The following COBL variants were observed in gnomAD, a reference collection of about 807,000 sequenced individuals.
COBL encodes protein cordon-bleu.
In COBL, 51 loss-of-function variants were observed where a neutral mutation model predicts 98.8. The observed-to-expected ratio is 0.52, with a 90% confidence interval of 0.41 to 0.65. The LOEUF is 0.65. Ranked by LOEUF, COBL falls within the 30% of genes least tolerant of loss-of-function variation. The probability of loss-of-function intolerance (pLI) is 0.00; values close to 1 mark genes in which losing one functional copy is unlikely to be tolerated. For missense variants in COBL, 1,617 were observed against 1,617.5 expected (o/e 1.00, Z 0.01); for synonymous variants, 634 against 651.7 (o/e 0.97, Z 0.41).
At chr7:51,178,054 G>A (rs1788573812) in intron 5 of COBL, among the ~76,000 whole-genome samples, 1 of 152,060 alleles carries the variant, frequency 6.6e-6, no homozygotes, top group African/African-American at 2.4e-5. Flanking sequence ...GCTGGAGCAG[G>A]AGAATCACTT....
chr7:51,085,499 C>T (rs528618325), intron 6 of COBL, among the ~76,000 whole-genome samples, 195 bp from the exon 7 acceptor site: 45 of 152,252 alleles, frequency 3.0e-4, no homozygotes, highest in African/African-American at 1.0e-3. Context: ...GAGAGACCAG[C>T]GGATGTCCAA....
chr7:51,018,189 CGTG>C (rs745545647), intron 12 of COBL, among the ~76,000 whole-genome samples: 7 of 150,842 alleles, frequency 4.6e-5, no homozygotes, highest in Non-Finnish European at 7.4e-5. Context: ...TTATGGTAAT[CGTG>C]GTGGTGGTGA....
intron 1 of COBL, among the ~76,000 whole-genome samples, chr7:51,241,480 A>G (rs571000590): frequency 5.1e-4 from 77 of 152,332 alleles, no homozygotes; most frequent in African/African-American, 1.2e-3. Flanking sequence ...TGCAGATCCC[A>G]TTAAGAAACC....
At chr7:51,101,130 CAAT>C (rs1795769856) in intron 6 of COBL, among the ~76,000 whole-genome samples, 1 of 152,198 alleles carries the variant, frequency 6.6e-6, no homozygotes, top group Non-Finnish European at 1.5e-5. Context: ...ATTCAACAAA[CAAT>C]TATTGAATAC....
chr7:51,219,408 C>T (rs1354663984), intron 2 of COBL, among the ~76,000 whole-genome samples: 1 of 152,202 alleles, frequency 6.6e-6, no homozygotes, highest in African/African-American at 2.4e-5. Flanking sequence ...CTGAGGCACA[C>T]TGTGGCTGCT....
At chr7:51,130,746 G>A (rs1798662084) in intron 6 of COBL, among the ~76,000 whole-genome samples, 1 of 152,200 alleles carries the variant, frequency 6.6e-6, no homozygotes, top group Non-Finnish European at 1.5e-5. Flanking sequence ...AGTTCTTGAT[G>A]AAACGTGTCT....
In COBL at chr7:51,025,239, G is replaced by C; in HGVS notation, c.3638C>G (p.Pro1213Arg). 1 of 1,609,160 alleles carries C rather than the reference G, an allele frequency of 6.2e-7. No homozygotes were observed. Among genetic ancestry groups the C allele is most frequent in the Non-Finnish European group, 8.5e-7 (1 of 1,178,644 alleles). The change falls in exon 12 of 13, where the codon CCC becomes CGC. Residue 1213 changes from proline to arginine, a missense_variant. Physicochemically the swap from Pro to Arg is moderately radical, Grantham distance 103. This residue lies in a region of COBL where 1,304 missense variants were observed against 1,282.0 expected (regional missense o/e 1.02). Transcript: ENST00000265136. ...PPAIPPPPPP[P>R]SQALSAPRTA... Reference sequence around the variant, plus strand: ...CCTTGGTGCAGAGAGAGCCTGGGAGGGTGGAGGGGGTGGTGGGGGAATGGC... The same window carrying C: ...CCTTGGTGCAGAGAGAGCCTGGGAGCGTGGAGGGGGTGGTGGGGGAATGGC...
chr7:51,170,670 A>T (rs996630953), intron 5 of COBL, among the ~76,000 whole-genome samples: 1 of 151,892 alleles, frequency 6.6e-6, no homozygotes, highest in Non-Finnish European at 1.5e-5. Context: ...ATGTTAAGTG[A>T]AATTATCCAG....
chr7:51,016,789 T>C lies in COBL; in HGVS notation c.*762A>G. The C allele has an allele frequency of 2.5e-6, 1 of 397,078 alleles. No individual in the cohort carries two copies. The highest frequency in any genetic ancestry group is 4.4e-6 in the Non-Finnish European group (1 of 225,700). 24.6% of individuals were successfully genotyped at this position (397,078 alleles called of 1,614,324 possible). On this transcript the variant is annotated 3_prime_UTR_variant, in exon 13 of 13. Coordinates refer to ENST00000265136, the MANE Select transcript of COBL (RefSeq NM_015198.5). ...CACTTCATAGCCTGGGGAATGGCTG[T>C]CCATGTGGGGCACTGCCCATCCACT... is the stretch of plus-strand genomic sequence containing the variant.
intron 5 of COBL, among the ~76,000 whole-genome samples, chr7:51,138,263 C>G (rs887801930): frequency 6.6e-6 from 1 of 152,160 alleles, no homozygotes; most frequent in African/African-American, 2.4e-5. Flanking sequence ...GTAAATTGTT[C>G]CCTTGAGTCC....
At chr7:51,133,931 A>G (rs1798986038) in intron 6 of COBL, among the ~76,000 whole-genome samples, 1 of 152,208 alleles carries the variant, frequency 6.6e-6, no homozygotes, top group South Asian at 2.1e-4. Flanking sequence ...CAAATATTGA[A>G]TTTTTTAAAC....
At chr7:51,061,575 T>C (rs1226827833) in intron 7 of COBL, among the ~76,000 whole-genome samples, 4 of 151,768 alleles carry the variant, frequency 2.6e-5, no homozygotes, top group Non-Finnish European at 5.9e-5. Context: ...AAGCAAGGGG[T>C]GTTCGGGTAC....
At chr7:51,096,484 T>A (rs976234569) in intron 6 of COBL, among the ~76,000 whole-genome samples, 7 of 151,404 alleles carry the variant, frequency 4.6e-5, no homozygotes, top group Admixed American at 4.6e-4. Flanking sequence ...AAACCAACAT[T>A]TAATAGAAAG....
rs71018490 is a variant in COBL, at chr7:51,018,905, A to AATAT, written c.3769-1341_3769-1338dup. ...AAACTCCATCTCAAAAAAAAAAAAA[A>AATAT]ATATATATATATATATATATATATA... On this transcript the variant is annotated intron_variant, in intron 12 of 12. Transcript: ENST00000265136. 3.5e-3 allele frequency among the ~76,000 whole-genome samples: 119 copies of AATAT among 34,336 alleles called. 1 individual carries two copies. Among genetic ancestry groups the AATAT allele is most frequent in the African/African-American group, 5.9e-3 (47 of 7,944 alleles). The allele number at this position is 34,336 out of a possible 152,430, so 22.5% of individuals were successfully genotyped here.
intron 1 of COBL, among the ~76,000 whole-genome samples, chr7:51,220,683 C>T (rs753171152): frequency 9.2e-5 from 14 of 152,150 alleles, no homozygotes; most frequent in Non-Finnish European, 4.4e-5. Context: ...CAGGGGTCCA[C>T]GTGCAGGTAA....
At chr7:51,295,455 CT>C (rs1801339384) in intron 1 of COBL, among the ~76,000 whole-genome samples, 1 of 152,160 alleles carries the variant, frequency 6.6e-6, no homozygotes, top group African/African-American at 2.4e-5. Flanking sequence ...AAAAAAAATA[CT>C]GCCCAATTAA....
intron 1 of COBL, among the ~76,000 whole-genome samples, chr7:51,242,255 G>A (rs927527720): frequency 6.6e-6 from 1 of 152,172 alleles, no homozygotes; most frequent in African/African-American, 2.4e-5. Context: ...TACACAGGGT[G>A]TACACCAAGT....
chr7:51,071,089 G>T (rs1156580924), intron 7 of COBL: 1 of 152,170 alleles, frequency 6.6e-6, no homozygotes, highest in Non-Finnish European at 1.5e-5. Context: ...ATTCCCAAGG[G>T]ATTCTTCATG....
At chr7:51,098,220 G>GTTTTTTTTTTTTT (rs1276606651) in intron 6 of COBL, among the ~76,000 whole-genome samples, 2 of 52,310 alleles carry the variant, frequency 3.8e-5, no homozygotes, top group African/African-American at 2.2e-4. Context: ...CCCAATAGCA[G>GTTTTTTTTTTTTT]TTTCTTTTTT....
Sources: gnomAD v4.1 joint callset for allele counts (sites outside exome capture counted in the v4.1 genomes callset) on GRCh38, gnomAD v4.1.1 for gene constraint, gnomAD v4.1.1 regional missense constraint, MANE v1.5 for transcripts, NCBI Gene and HGNC (gene_info 2026-07-23, HGNC 2026-07-21) for gene names.